Variants in CDKL4 observed in about 807,000 individuals in gnomAD.
CDKL4 encodes cyclin dependent kinase like 4.
In CDKL4, 44 loss-of-function variants were observed where a neutral mutation model predicts 42.0. The ratio of observed to expected loss-of-function variants is 1.05; its 90% CI spans 0.82 to 1.35. The LOEUF is 1.35. Ranked by LOEUF, CDKL4 falls within the 40% of genes most tolerant of loss-of-function variation. The probability of loss-of-function intolerance (pLI) is 0.00; values close to 1 mark genes in which losing one functional copy is unlikely to be tolerated. For synonymous variants in CDKL4, 120 were observed against 121.6 expected (o/e 0.99, Z 0.09); for missense variants, 393 against 369.9 (o/e 1.06, Z -0.51).
intron 1 of CDKL4, among the ~76,000 whole-genome samples, chr2:39,231,456 T>C (rs1679087791): frequency 6.6e-6 from 1 of 152,148 alleles, no homozygotes; most frequent in African/African-American, 2.4e-5. Flanking sequence ...AAATATACAA[T>C]GGAGAAAAAT....
intron 3 of CDKL4, among the ~76,000 whole-genome samples, chr2:39,216,277 C>T (rs897135215): frequency 6.6e-6 from 1 of 152,034 alleles, no homozygotes; most frequent in Admixed American, 6.6e-5. Flanking sequence ...GATTGAGACC[C>T]CTGTACAAAG....
exon 10 of CDKL4, chr2:39,175,903 G>C: frequency 2.5e-6 from 1 of 393,068 alleles, no homozygotes; most frequent in Non-Finnish European, 5.1e-6. Context: ...ATTTTCATAT[G>C]GCTCATTTGC....
rs1282749521 is a variant in CDKL4 at position 39,223,594 on chromosome 2, TTTGAAGACTTC to T, written c.290+2234_290+2244del. Among the ~76,000 whole-genome samples the T allele has an allele frequency of 9.1e-3, 1,310 of 143,884 alleles. 31 individuals carry two copies. Among genetic ancestry groups the T allele is most frequent in the African/African-American group, 0.035 (1,261 of 36,208 alleles). The allele number at this position is 143,884 out of a possible 152,430, so 94.4% of individuals were successfully genotyped here. The stretch of plus-strand genomic sequence containing the variant: ...TCATTTCCTTCTCTTTTTTTTTTTT[TTTGAAGACTTC>T]TGTCTTCAAAAAAAAAAAAAAAAGA... On this transcript the variant is annotated intron_variant, in intron 3 of 9. Coordinates refer to ENST00000451199, the Ensembl canonical transcript of CDKL4.
chr2:39,229,027 G>T (rs1305770041), intron 2 of CDKL4, among the ~76,000 whole-genome samples: 1 of 152,128 alleles, frequency 6.6e-6, no homozygotes, highest in Non-Finnish European at 1.5e-5. Context: ...GCCAGGAGGT[G>T]CTCTTTTAGT....
At chr2:39,179,906 G>C (rs1451845371) in intron 8 of CDKL4, among the ~76,000 whole-genome samples, 1 of 152,062 alleles carries the variant, frequency 6.6e-6, no homozygotes, top group Non-Finnish European at 1.5e-5. Context: ...ATAACTACAG[G>C]CAAAACAGAA....
intron 1 of CDKL4, among the ~76,000 whole-genome samples, chr2:39,236,289 C>G (rs1679372015): frequency 1.3e-5 from 2 of 151,846 alleles, no homozygotes; most frequent in Admixed American, 1.3e-4. Context: ...ACAAGATGAA[C>G]AGAGCCTCAG....
chr2:39,171,270 A>G (rs2148270838), downstream of CDKL4, among the ~76,000 whole-genome samples: 1 of 152,174 alleles, frequency 6.6e-6, no homozygotes, highest in African/African-American at 2.4e-5. Flanking sequence ...AAATAACCTT[A>G]ATATTGTGGT....
chr2:39,201,607 G>GTA (rs1216793331), intron 5 of CDKL4, among the ~76,000 whole-genome samples: 3 of 152,180 alleles, frequency 2.0e-5, no homozygotes, highest in East Asian at 3.9e-4. Context: ...AGAAAATGTG[G>GTA]TATATATATA....
chr2:39,188,395 T>C (rs1210960093), intron 6 of CDKL4, among the ~76,000 whole-genome samples: 1 of 151,556 alleles, frequency 6.6e-6, no homozygotes, highest in Non-Finnish European at 1.5e-5. Context: ...ACCCCGTCTC[T>C]ACTAAAAATA....
chr2:39,197,653 T>C (rs62138484), intron 5 of CDKL4, among the ~76,000 whole-genome samples: 4,554 of 152,302 alleles, frequency 0.03, 76 homozygotes, highest in Non-Finnish European at 0.031. Flanking sequence ...GTAGAAACCC[T>C]ACAAGCTAGA....
chr2:39,216,341 G>T (rs1487602579), intron 3 of CDKL4, among the ~76,000 whole-genome samples: 5 of 152,208 alleles, frequency 3.3e-5, no homozygotes, highest in Admixed American at 6.5e-5. Flanking sequence ...AACTGGAGGT[G>T]TGGGGAAAGC....
chr2:39,209,803 G>A (rs2665157), intron 4 of CDKL4, among the ~76,000 whole-genome samples: 6,539 of 152,158 alleles, frequency 0.043, 501 homozygotes, highest in African/African-American at 0.15. Flanking sequence ...GACTATCATG[G>A]GAGTTCCTTT....
intron 4 of CDKL4, among the ~76,000 whole-genome samples, chr2:39,206,138 C>T (rs1677172472): frequency 6.6e-6 from 1 of 151,992 alleles, no homozygotes; most frequent in Admixed American, 6.6e-5. Context: ...ACTGCAACCT[C>T]CGCCCCCCGG....
At chr2:39,245,071 A>G (rs751556680), upstream of CDKL4, among the ~76,000 whole-genome samples, 10 of 152,320 alleles carry the variant, frequency 6.6e-5, no homozygotes, top group Non-Finnish European at 1.0e-4. Context: ...GTGGGACCAA[A>G]TAAGAGAATA....
intron 9 of CDKL4, 66 bp downstream of exon 9, chr2:39,179,121 A>C: frequency 6.4e-7 from 1 of 1,559,336 alleles, no homozygotes; most frequent in Non-Finnish European, 8.6e-7. Flanking sequence ...CTCACTTTGA[A>C]AGGCAGACAA....
At chr2:39,240,298 C>T (rs1267036852) in intron 1 of CDKL4, among the ~76,000 whole-genome samples, 1 of 151,190 alleles carries the variant, frequency 6.6e-6, no homozygotes, top group Non-Finnish European at 1.5e-5. Context: ...TGGTGGTATG[C>T]ACCTGTAATC....
chr2:39,212,256 CAG>C (rs1677631056), intron 4 of CDKL4, among the ~76,000 whole-genome samples: 1 of 146,270 alleles, frequency 6.8e-6, no homozygotes, highest in Admixed American at 6.8e-5. Flanking sequence ...TTTTTTGAGA[CAG>C]AGTCTCACAC....
intron 4 of CDKL4, among the ~76,000 whole-genome samples, chr2:39,204,842 A>G (rs1175137189): frequency 6.6e-6 from 1 of 152,176 alleles, no homozygotes; most frequent in African/African-American, 2.4e-5. Flanking sequence ...AAAAAATTGA[A>G]ATTATAATTG....
Position 39,204,519 on chromosome 2 carries a change from C to G in CDKL4, c.454+8G>C. ...AACTGGGTATTAGTAAAAAAAATTG[C>G]TACTTACTCAGAATTTGTGCAAACC... On this transcript the variant is annotated splice_region_variant and intron_variant, in intron 5 of 9. Transcript: ENST00000451199. 6.4e-7 allele frequency: 1 copy of G among 1,558,170 alleles called. No individual in the cohort carries two copies.
Sources: allele counts gnomAD v4.1 joint callset (sites outside exome capture counted in the v4.1 genomes callset), GRCh38; gene constraint gnomAD v4.1.1; transcripts MANE v1.5; gene names NCBI Gene and HGNC (gene_info 2026-07-23, HGNC 2026-07-21).